MAPRE2: variants seen among roughly 807,000 people sequenced by gnomAD.
MAPRE2 encodes microtubule associated protein RP/EB family member 2, also known as microtubule-associated protein RP/EB family member 2.
In MAPRE2, 13 loss-of-function variants were observed where a neutral mutation model predicts 43.2. The ratio of observed to expected loss-of-function variants is 0.30; its 90% CI spans 0.20 to 0.48. The LOEUF (loss-of-function observed/expected upper bound fraction) is 0.48, where lower values mean the gene tolerates loss of function less well. MAPRE2 is among the 20% of genes least tolerant of loss of function. MAPRE2 has a pLI of 0.99. For synonymous variants in MAPRE2, 135 were observed against 148.8 expected, an observed-to-expected ratio of 0.91 and a Z score of 0.68; for missense variants, 161 against 400.2, an observed-to-expected ratio of 0.40 and a Z score of 5.10.
At chr18:35,138,504 A>G (rs1259994128) in intron 6 of MAPRE2, among the ~76,000 whole-genome samples, 1 of 152,200 alleles carries the variant, frequency 6.6e-6, no homozygotes, top group Non-Finnish European at 1.5e-5. Context: ...TGGTTGACAC[A>G]GAAAGGGTTA....
chr18:34,982,399 T>C (rs938187139), intron 1 of MAPRE2, among the ~76,000 whole-genome samples: 3 of 152,138 alleles, frequency 2.0e-5, no homozygotes, highest in Non-Finnish European at 4.4e-5. Context: ...TCCTCCAACT[T>C]ACACTTGACT....
intron 1 of MAPRE2, among the ~76,000 whole-genome samples, chr18:34,992,610 A>G (rs1275651367): frequency 8.5e-5 from 13 of 152,240 alleles, no homozygotes; most frequent in Non-Finnish European, 1.0e-4. Context: ...AAAATATAAT[A>G]GAAAATAGAG....
At chr18:35,000,988 A>G (rs2097029017) in intron 1 of MAPRE2, among the ~76,000 whole-genome samples, 1 of 152,174 alleles carries the variant, frequency 6.6e-6, no homozygotes, top group Admixed American at 6.5e-5. Flanking sequence ...CTTGAGATCA[A>G]TCCGGAGGCA....
intron 6 of MAPRE2, among the ~76,000 whole-genome samples, chr18:35,139,644 C>G (rs922501533): frequency 6.6e-6 from 1 of 152,248 alleles, no homozygotes; most frequent in African/African-American, 2.4e-5. Context: ...TGAGCTCCCT[C>G]ATTGGGAGGG....
rs1910636907 is a variant in MAPRE2 at position 35,141,527 on chromosome 18, C to G, written c.*1158C>G. On this transcript the variant is annotated 3_prime_UTR_variant, in exon 7 of 7. Transcript: ENST00000300249. ...ATTTTCCCTCTTTAACACAAGGGCCCTCCTTGTCATTGACCTTAGCTAAAC... is the reference window on the plus strand; with the variant it reads ...ATTTTCCCTCTTTAACACAAGGGCCGTCCTTGTCATTGACCTTAGCTAAAC... 1 of 152,188 alleles carries G rather than the reference C, an allele frequency of 6.6e-6. No individual in the cohort carries two copies. The highest frequency in any genetic ancestry group is 2.1e-4 in the South Asian group (1 of 4,830). 9.4% of individuals were successfully genotyped at this position (152,188 alleles called of 1,614,324 possible).
At chr18:35,020,358 T>C (rs1296788935) in intron 2 of MAPRE2, among the ~76,000 whole-genome samples, 1 of 152,160 alleles carries the variant, frequency 6.6e-6, no homozygotes, top group African/African-American at 2.4e-5. Flanking sequence ...GCAATGACTA[T>C]GCTTTATATT....
chr18:35,029,753 A>G (rs2097046910), intron 2 of MAPRE2, among the ~76,000 whole-genome samples: 1 of 152,192 alleles, frequency 6.6e-6, no homozygotes, highest in Admixed American at 6.5e-5. Context: ...TAGCTGTCCT[A>G]TGCAGTCACT....
intron 1 of MAPRE2, among the ~76,000 whole-genome samples, chr18:35,060,451 C>T (rs936957548): frequency 6.6e-6 from 1 of 152,214 alleles, no homozygotes; most frequent in African/African-American, 2.4e-5. Context: ...ATATAATCAG[C>T]TGCATTTCTG....
chr18:35,089,206 C>A (rs1296692483), intron 2 of MAPRE2, among the ~76,000 whole-genome samples: 1 of 152,082 alleles, frequency 6.6e-6, no homozygotes, highest in African/African-American at 2.4e-5. Context: ...TATGCAGTTT[C>A]TCAAAGAACG....
chr18:34,979,861 A>G (rs2097015149), intron 1 of MAPRE2, among the ~76,000 whole-genome samples: 2 of 152,064 alleles, frequency 1.3e-5, no homozygotes, highest in Admixed American at 6.5e-5. Flanking sequence ...GGTTCTCTGT[A>G]TCTTTAACAG....
At chr18:35,001,122 A>G (rs2097029101) in intron 1 of MAPRE2, among the ~76,000 whole-genome samples, 1 of 152,204 alleles carries the variant, frequency 6.6e-6, no homozygotes, top group African/African-American at 2.4e-5. Flanking sequence ...AATGTTAAAT[A>G]TTCCATTTCT....
At chr18:35,061,302 T>G (rs545862693) in intron 1 of MAPRE2, among the ~76,000 whole-genome samples, 84 of 152,350 alleles carry the variant, frequency 5.5e-4, no homozygotes, top group African/African-American at 1.7e-3. Context: ...TACATTGGTC[T>G]TCTTCACTAG....
chr18:35,010,478 A>G (rs1241864409), intron 2 of MAPRE2, among the ~76,000 whole-genome samples: 1 of 152,228 alleles, frequency 6.6e-6, no homozygotes, highest in Admixed American at 6.5e-5. Flanking sequence ...ATTAGAGGTA[A>G]CATAATTGTT....
chr18:35,081,078 G>A (rs562011783), intron 2 of MAPRE2, among the ~76,000 whole-genome samples: 2 of 152,248 alleles, frequency 1.3e-5, no homozygotes, highest in African/African-American at 4.8e-5. Context: ...GACAGCTCAT[G>A]GAAGAACTTT....
chr18:35,073,290 TTTATTTATTTATGAAA>T (rs1907198270), intron 2 of MAPRE2, among the ~76,000 whole-genome samples: 1 of 152,124 alleles, frequency 6.6e-6, no homozygotes, highest in Non-Finnish European at 1.5e-5. Context: ...TATCTTTCTA[TTTATTTATTTATGAAA>T]TTATTTATTT....
intron 1 of MAPRE2, among the ~76,000 whole-genome samples, chr18:35,047,968 C>A (rs760614120): frequency 2.0e-5 from 3 of 152,092 alleles, no homozygotes; most frequent in Non-Finnish European, 4.4e-5. Flanking sequence ...TTTGTTCCAG[C>A]AGGTAAAATG....
chr18:34,994,228 G>C (rs1344786205), intron 1 of MAPRE2, among the ~76,000 whole-genome samples: 1 of 151,840 alleles, frequency 6.6e-6, no homozygotes, highest in East Asian at 1.9e-4. Context: ...GCTTCTCTAG[G>C]CTCCAAAAAA....
At position 35,142,319 on chromosome 18, in the gene MAPRE2, G is replaced by C. The variant is rs565818392; in HGVS notation, c.*1950G>C. Reference sequence around the variant, plus strand: ...CACCTGATACTGCAGTGGTTCCTAGGCCATTCTTCATCTGCTCTGGACATC... The same window carrying C: ...CACCTGATACTGCAGTGGTTCCTAGCCCATTCTTCATCTGCTCTGGACATC... On this transcript the variant is annotated 3_prime_UTR_variant, in exon 7 of 7. Transcript: ENST00000300249. 3.9e-5 allele frequency: 6 copies of C among 152,350 alleles called. No individual in the cohort carries two copies. In the South Asian group the frequency reaches 1.2e-3, roughly 32 times the overall value. The allele number at this position is 152,350 out of a possible 1,614,324, so 9.4% of individuals were successfully genotyped here.
chr18:35,006,508 G>A (rs2097031942), intron 2 of MAPRE2, among the ~76,000 whole-genome samples: 1 of 152,178 alleles, frequency 6.6e-6, no homozygotes, highest in Admixed American at 6.5e-5. Flanking sequence ...GGGCCTCATT[G>A]TAATAAATGC....
Sources: gnomAD v4.1 joint callset for allele counts (sites outside exome capture counted in the v4.1 genomes callset) on GRCh38, gnomAD v4.1.1 for gene constraint, MANE v1.5 for transcripts, NCBI Gene and HGNC (gene_info 2026-07-23, HGNC 2026-07-21) for gene names.